Variants in PI4KA observed in about 807,000 individuals in gnomAD.
The protein encoded by PI4KA is PI4-kinase alpha.
In PI4KA, 122 loss-of-function variants were observed where a neutral mutation model predicts 271.4. The ratio of observed to expected loss-of-function variants is 0.45; its 90% CI spans 0.39 to 0.52. PI4KA has a LOEUF of 0.52. Ranked by LOEUF, PI4KA falls within the 20% of genes least tolerant of loss-of-function variation. The probability of loss-of-function intolerance (pLI) is 0.00; values close to 1 mark genes in which losing one functional copy is unlikely to be tolerated. For missense variants in PI4KA, 1,969 were observed against 2,769.1 expected, an observed-to-expected ratio of 0.71 and a Z score of 6.48; for synonymous variants, 1,041 against 1,078.8, an observed-to-expected ratio of 0.96 and a Z score of 0.69.
chr22:20,759,560 C>T (rs34750447), intron 23 of PI4KA, among the ~76,000 whole-genome samples: 3 of 151,640 alleles, frequency 2.0e-5, no homozygotes, highest in Non-Finnish European at 2.9e-5. Flanking sequence ...TGCACCACCA[C>T]GCTCGGCTTA....
intron 19 of PI4KA, among the ~76,000 whole-genome samples, chr22:20,791,640 C>T (rs1389459328): frequency 6.6e-6 from 1 of 151,904 alleles, no homozygotes; most frequent in Non-Finnish European, 1.5e-5. Context: ...CACCTGTAGT[C>T]CCAGCTACTT....
rs1244871861 is a variant in PI4KA at position 20,824,414 on chromosome 22, C to G, written c.368G>C (p.Gly123Ala). 1.2e-6 allele frequency: 2 copies of G among 1,609,398 alleles called. No homozygotes were observed. The highest frequency in any genetic ancestry group is 8.5e-7 in the Non-Finnish European group (1 of 1,177,060). ...VEESTARKGR[G>A]ALPVAESFSF... Reference sequence around the variant, plus strand: ...GAAGCTCTCTGCAACCGGGAGGGCACCTGGAAGATGTAAAAACATAAATCA... The same window carrying G: ...GAAGCTCTCTGCAACCGGGAGGGCAGCTGGAAGATGTAAAAACATAAATCA... The change falls in exon 4 of 55, where the codon GGT becomes GCT. Residue 123 changes from glycine to alanine, a missense_variant and splice_region_variant. This residue lies in a region of PI4KA where 540 missense variants were observed against 555.5 expected (regional missense o/e 0.97). Coordinates refer to ENST00000255882, the MANE Select transcript of PI4KA (RefSeq NM_058004.4).
At chr22:20,812,965 A>C (rs1384333508) in intron 8 of PI4KA, among the ~76,000 whole-genome samples, 1 of 152,172 alleles carries the variant, frequency 6.6e-6, no homozygotes, top group African/African-American at 2.4e-5. Flanking sequence ...AATATGAAAA[A>C]GTCAGGTTTT....
chr22:20,752,798 C>T, intron 25 of PI4KA, 105 bp downstream of exon 25: 1 of 1,243,284 alleles, frequency 8.0e-7, no homozygotes, highest in Non-Finnish European at 1.2e-6. Context: ...CATTCTGACT[C>T]CATTTTTTCC....
chr22:20,793,330 TAAAC>T (rs1934770407), intron 18 of PI4KA, 87 bp from the exon 19 acceptor site: 1 of 766,654 alleles, frequency 1.3e-6, no homozygotes, highest in Admixed American at 2.0e-5. Context: ...TAGTGTTATG[TAAAC>T]CTGGAATGTC....
intron 2 of PI4KA, among the ~76,000 whole-genome samples, chr22:20,836,033 C>T (rs1569087223): frequency 1.3e-5 from 2 of 150,066 alleles, no homozygotes; most frequent in African/African-American, 5.0e-5. Context: ...GCCTGGGCGA[C>T]AGAGAGAGAC....
At chr22:20,830,765 ATTG>A (rs1470278806) in intron 3 of PI4KA, among the ~76,000 whole-genome samples, 2 of 151,532 alleles carry the variant, frequency 1.3e-5, no homozygotes, top group East Asian at 1.9e-4. Flanking sequence ...GTGTTTTGTT[ATTG>A]TTGTTGTTTG....
At chr22:20,791,310 C>G (rs1221380872) in intron 19 of PI4KA, among the ~76,000 whole-genome samples, 1 of 152,222 alleles carries the variant, frequency 6.6e-6, no homozygotes, top group Non-Finnish European at 1.5e-5. Context: ...TGCTCTCCTG[C>G]AGAGCCTGCT....
At chr22:20,800,528 C>G (rs1935234366) in intron 14 of PI4KA, among the ~76,000 whole-genome samples, 1 of 151,820 alleles carries the variant, frequency 6.6e-6, no homozygotes, top group African/African-American at 2.4e-5. Flanking sequence ...ATGGATAATC[C>G]TTCTCTTTTT....
Position 20,729,691 on chromosome 22 carries a change from G to A in PI4KA, c.4429C>T (p.Arg1477Trp), listed in dbSNP as rs776325311. The change falls in exon 38 of 55, where the codon CGG becomes TGG. Residue 1477 changes from arginine to tryptophan, a missense_variant. Physicochemically the swap from Arg to Trp is moderately radical, Grantham distance 101. Coordinates refer to ENST00000255882, the MANE Select transcript of PI4KA (RefSeq NM_058004.4). ...TAGTATTTGTGCAGCTGGGAGCCCC[G>A]GTTGGTTTTCTTAGACATGCCTAGG... is the stretch of plus-strand genomic sequence containing the variant. The part of the protein sequence containing the change: ...KKSGMSKKTN[R>W]GSQLHKYYMK... The A allele has an allele frequency of 2.5e-6, 4 of 1,591,518 alleles. No homozygotes were observed. The highest frequency in any genetic ancestry group is 1.7e-4 in the Middle Eastern group (1 of 6,030).
chr22:20,793,305 A>C (rs963931710), intron 18 of PI4KA, 62 bp from the exon 19 acceptor site: 10 of 905,628 alleles, frequency 1.1e-5, no homozygotes, highest in African/African-American at 6.7e-5. Context: ...AAAAAAAAAA[A>C]CACAAGATAC....
intron 22 of PI4KA, among the ~76,000 whole-genome samples, chr22:20,763,641 C>T (rs1457105568): frequency 2.0e-5 from 3 of 151,998 alleles, no homozygotes; most frequent in Admixed American, 6.6e-5. Flanking sequence ...GGTTTCACCA[C>T]GTTGGCCAGG....
chr22:20,758,892 A>G (rs1931632185), intron 23 of PI4KA, among the ~76,000 whole-genome samples: 1 of 152,100 alleles, frequency 6.6e-6, no homozygotes, highest in Admixed American at 6.6e-5. Context: ...CAGAACCCTC[A>G]CAGTCTTTCC....
rs1601435902 is a variant in PI4KA at position 20,764,713 on chromosome 22, G to A, written c.2708+104C>T. 15 of 1,265,428 alleles carry A rather than the reference G, an allele frequency of 1.2e-5. No homozygotes were observed. The East Asian group carries it at 3.6e-4, about 30-fold the overall frequency. 78.4% of individuals were successfully genotyped at this position (1,265,428 alleles called of 1,614,324 possible). A position where few individuals can be genotyped will look rare whatever the true frequency, so the allele number is the denominator to read the frequency against. ...GCTTGGTTTTTCAGAAAGTTTGCAT[G>A]TCTTGGGAGAAGTTGAAAAAAGTCT... On this transcript the variant is annotated intron_variant, in intron 22 of 54. Transcript: ENST00000255882.
chr22:20,736,042 C>T (rs1928677800), intron 32 of PI4KA, among the ~76,000 whole-genome samples: 1 of 152,060 alleles, frequency 6.6e-6, no homozygotes, highest in African/African-American at 2.4e-5. Flanking sequence ...GTGGGGACCA[C>T]AGACAACAAG....
At chr22:20,837,796 A>G (rs1028810203) in intron 2 of PI4KA, among the ~76,000 whole-genome samples, 8 of 152,262 alleles carry the variant, frequency 5.3e-5, no homozygotes, top group Middle Eastern at 3.4e-3. Context: ...ACAGGGCTAG[A>G]TTTTAAGTCC....
rs143198544 is a variant in PI4KA, at chr22:20,799,258, G to A, written c.1839C>T (p.Pro613=). Residue 613 remains proline, a synonymous_variant, in exon 16 of 55, where the codon CCC becomes CCT. Transcript: ENST00000255882. ...GTCCCAAGGCTCGGATTGTGTGGTC[G>A]GGAATCAAGTGAGCGTCCCTACAGA... ...QESDKDAHLI[P]DHTIRALGHI... 1.4e-5 allele frequency: 21 copies of A among 1,526,780 alleles called. No homozygotes were observed. In the African/African-American group the frequency reaches 1.8e-4, roughly 13 times the overall value. The allele number at this position is 1,526,780 out of a possible 1,614,324, so 94.6% of individuals were successfully genotyped here.
intron 22 of PI4KA, among the ~76,000 whole-genome samples, chr22:20,763,028 G>GT (rs1233458290): frequency 3.1e-5 from 3 of 95,534 alleles, no homozygotes; most frequent in African/African-American, 4.6e-5. Flanking sequence ...GGGGGGGGGG[G>GT]GGGTTAGAGA....
rs547875279 is a variant in PI4KA at position 20,733,020 on chromosome 22, G to A, written c.4239C>T (p.Ala1413=). 34 of 1,610,968 alleles carry A rather than the reference G, an allele frequency of 2.1e-5. No homozygotes were observed. The South Asian group carries it at 2.2e-4, about 10-fold the overall frequency. The part of the protein sequence containing the change: ...DISIMIKFWT[A]MFSDKKYLTA... ...TCAGGTACTTCTTATCTGAGAACAT[G>A]GCGGTCCAAAATTTAATCATGATGC... Residue 1413 remains alanine (A), a synonymous_variant, in exon 36 of 55, where the codon GCC becomes GCT. Coordinates refer to ENST00000255882, the MANE Select transcript of PI4KA (RefSeq NM_058004.4).
Sources: allele counts gnomAD v4.1 joint callset (sites outside exome capture counted in the v4.1 genomes callset), GRCh38; gene constraint gnomAD v4.1.1; regional missense constraint gnomAD v4.1.1; transcripts MANE v1.5; gene names NCBI Gene and HGNC (gene_info 2026-07-23, HGNC 2026-07-21).